Variants in CAPN2 observed in about 807,000 individuals in gnomAD.
CAPN2 encodes the protein calpain 2, also known as calpain-2 catalytic subunit.
CAPN2 carries 92 observed loss-of-function variants against 102.3 expected under a neutral mutation model. The observed-to-expected ratio is 0.90, with a 90% CI of 0.76 to 1.07. The LOEUF is 1.07. Ranked by LOEUF, CAPN2 falls within the 50% of genes least tolerant of loss-of-function variation. The probability of loss-of-function intolerance (pLI) is 0.00; values close to 1 mark genes in which losing one functional copy is unlikely to be tolerated. For missense variants in CAPN2, 800 were observed against 909.4 expected (o/e 0.88, Z 1.55); for synonymous variants, 340 against 355.4 (o/e 0.96, Z 0.49).
chr1:223,768,569 A>G (rs1421372079), intron 16 of CAPN2, among the ~76,000 whole-genome samples: 3 of 152,110 alleles, frequency 2.0e-5, no homozygotes, highest in Admixed American at 2.0e-4. Flanking sequence ...TACCAGTACC[A>G]TGCTGTTTTG....
chr1:223,769,922 A>G lies in CAPN2; in HGVS notation c.1824+13A>G. ...TCAAAAATACCAAGTAAGATCCCAG[A>G]GATGCGGGTGGATCTGTGTTGGGAA... On this transcript the variant is annotated intron_variant, in intron 17 of 20. Coordinates refer to ENST00000295006, the MANE Select transcript of CAPN2 (RefSeq NM_001748.5). 6.3e-7 allele frequency: 1 copy of G among 1,578,072 alleles called. No homozygotes were observed. The highest frequency in any genetic ancestry group is 8.6e-7 in the Non-Finnish European group (1 of 1,157,990).
intron 5 of CAPN2, 126 bp from the exon 6 acceptor site, chr1:223,748,913 C>T: frequency 2.4e-6 from 2 of 820,708 alleles, no homozygotes; most frequent in Non-Finnish European, 4.2e-6. Context: ...GAGCCTCCCA[C>T]CCCAGGCCTC....
chr1:223,719,853 A>T (rs1175648126), intron 2 of CAPN2, among the ~76,000 whole-genome samples: 1 of 149,922 alleles, frequency 6.7e-6, no homozygotes. Context: ...CGTATAATGC[A>T]GTATTGGTCA....
upstream of CAPN2, among the ~76,000 whole-genome samples, chr1:223,709,770 T>A (rs1659692395): frequency 6.6e-6 from 1 of 151,562 alleles, no homozygotes; most frequent in Non-Finnish European, 1.5e-5. Flanking sequence ...ACGTGAAGAG[T>A]ACTGAAATGG....
intron 16 of CAPN2, among the ~76,000 whole-genome samples, chr1:223,766,653 T>C (rs572071224): frequency 6.6e-6 from 1 of 152,258 alleles, no homozygotes; most frequent in East Asian, 1.9e-4. Context: ...CCACCTACCC[T>C]GAAAGGCTTA....
intron 2 of CAPN2, among the ~76,000 whole-genome samples, chr1:223,730,479 C>T (rs935878430): frequency 1.3e-5 from 2 of 152,108 alleles, no homozygotes; most frequent in South Asian, 2.1e-4. Flanking sequence ...GATTTTCCCA[C>T]AAGAGACAGC....
chr1:223,772,393 T>C (rs533839121), intron 20 of CAPN2, 154 bp downstream of exon 20: 2 of 597,334 alleles, frequency 3.3e-6, no homozygotes, highest in South Asian at 4.3e-5. Context: ...GATCCCACAA[T>C]GCACTTTTAC....
intron 1 of CAPN2, among the ~76,000 whole-genome samples, chr1:223,704,917 A>G (rs1439331820): frequency 3.3e-5 from 5 of 152,316 alleles, no homozygotes; most frequent in African/African-American, 1.2e-4. Flanking sequence ...GGTGACTGTC[A>G]TATGTCACAG....
At position 223,771,794 on chromosome 1, in the gene CAPN2, T is replaced by C. The variant is rs766652756; in HGVS notation, c.1904-15T>C. The C allele has an allele frequency of 6.5e-7, 1 of 1,530,676 alleles. No homozygotes were observed. The highest frequency in any genetic ancestry group is 9.1e-7 in the Non-Finnish European group (1 of 1,103,854). 94.8% of individuals were successfully genotyped at this position (1,530,676 alleles called of 1,614,324 possible). On this transcript the variant is annotated splice_polypyrimidine_tract_variant and intron_variant, in intron 18 of 20. Transcript: ENST00000295006. ...TAATGCTTAGCAATGAGTTTGTTTG[T>C]TCATGTAACTTCAGGTTTCAAGATG...
chr1:223,712,492 G>C (rs560168927), upstream of CAPN2: 3 of 1,188,026 alleles, frequency 2.5e-6, no homozygotes, highest in African/African-American at 3.2e-5. Context: ...CCCGCGGGCC[G>C]GGCCGCTTCC....
At chr1:223,720,813 C>G (rs1660032091) in intron 2 of CAPN2, among the ~76,000 whole-genome samples, 1 of 152,070 alleles carries the variant, frequency 6.6e-6, no homozygotes, top group Non-Finnish European at 1.5e-5. Context: ...TAAAGCCACA[C>G]AGCTAGTAAT....
intron 13 of CAPN2, 144 bp from the exon 14 acceptor site, chr1:223,762,042 A>C: frequency 1.6e-6 from 1 of 622,462 alleles, no homozygotes; most frequent in South Asian, 2.1e-5. Flanking sequence ...ACTATACCTG[A>C]TCTTAACCCA....
upstream of CAPN2, among the ~76,000 whole-genome samples, chr1:223,712,004 C>T (rs1372057610): frequency 6.6e-6 from 1 of 152,214 alleles, no homozygotes; most frequent in Admixed American, 6.5e-5. Context: ...AGTCCCTGTT[C>T]TGCCTGTGAC....
intron 2 of CAPN2, among the ~76,000 whole-genome samples, chr1:223,736,567 G>A (rs569188215): frequency 1.5e-3 from 235 of 152,294 alleles, no homozygotes; most frequent in African/African-American, 5.3e-3. Flanking sequence ...TGGACCATCT[G>A]CCCTGGGTGA....
At chr1:223,730,010 CAAAAAAA>C (rs57382658) in intron 2 of CAPN2, among the ~76,000 whole-genome samples, 9,703 of 80,402 alleles carry the variant, frequency 0.12, 306 homozygotes, top group Middle Eastern at 0.16. Flanking sequence ...CCCAAAAAAC[CAAAAAAA>C]AAAAAAAAAA....
Position 223,712,684 on chromosome 1 carries a change from C to A in CAPN2, c.44C>A (p.Ala15Asp). 1 of 1,560,408 alleles carries A rather than the reference C, an allele frequency of 6.4e-7. No individual in the cohort carries two copies. Reference sequence around the variant, plus strand: ...AAGCTGGCGAAGGACCGGGAGGCGGCCGAGGGGCTGGGCTCCCACGACAGG... The same window carrying A: ...AAGCTGGCGAAGGACCGGGAGGCGGACGAGGGGCTGGGCTCCCACGACAGG... ...AAKLAKDREA[A>D]EGLGSHDRAI... The change falls in exon 1 of 21, where the codon GCC becomes GAC. Residue 15 changes from alanine (A) to aspartate (D), a missense_variant. Physicochemically the swap from Ala to Asp is moderately radical, Grantham distance 126 (BLOSUM62 -2). Coordinates refer to ENST00000295006, the MANE Select transcript of CAPN2 (RefSeq NM_001748.5).
At chr1:223,742,516 A>T (rs199523619) in intron 2 of CAPN2, among the ~76,000 whole-genome samples, 33 of 113,864 alleles carry the variant, frequency 2.9e-4, no homozygotes, top group East Asian at 5.8e-4. Context: ...ATATATATAT[A>T]TATTTTTTTT....
intron 2 of CAPN2, among the ~76,000 whole-genome samples, chr1:223,739,012 G>A (rs1037652762): frequency 7.9e-5 from 12 of 152,142 alleles, no homozygotes; most frequent in Admixed American, 1.3e-4. Flanking sequence ...CCAGGCAGCA[G>A]GATGGAGGGT....
In CAPN2 at chr1:223,772,180, G is replaced by T; in HGVS notation, c.2021-1G>T. On this transcript the variant is annotated splice_acceptor_variant, in intron 19 of 20. Coordinates refer to ENST00000295006, the MANE Select transcript of CAPN2 (RefSeq NM_001748.5). LOFTEE classifies it high-confidence loss of function. ...GACACCCTCTTTTTCTCCCTCCACA[G>T]AGATATTTAAGCAGCTGGATCCCGA... 6.2e-7 allele frequency: 1 copy of T among 1,614,046 alleles called. No homozygotes were observed.
Sources: allele counts gnomAD v4.1 joint callset (sites outside exome capture counted in the v4.1 genomes callset), GRCh38; gene constraint gnomAD v4.1.1; transcripts MANE v1.5; gene names NCBI Gene and HGNC (gene_info 2026-07-23, HGNC 2026-07-21).